The following LCN1 variants were observed in gnomAD, a reference collection of about 807,000 sequenced individuals.
LCN1 encodes lipocalin 1, also known as lipocalin-1.
LCN1 carries 25 observed loss-of-function variants against 22.3 expected under a neutral mutation model. The ratio of observed to expected loss-of-function variants is 1.12; its 90% CI spans 0.82 to 1.56. The LOEUF (loss-of-function observed/expected upper bound fraction) is 1.56. LCN1 is among the 40% of genes most tolerant of loss of function. The pLI, the probability that LCN1 is intolerant of heterozygous loss-of-function variation, is 0.00. For synonymous variants in LCN1, 85 were observed against 97.6 expected (o/e 0.87, Z 0.76); for missense variants, 219 against 235.6 (o/e 0.93, Z 0.46).
rs1262025749 is a variant in LCN1 at position 135,523,993 on chromosome 9, G to A, written c.403+3G>A. On this transcript the variant is annotated splice_donor_region_variant and intron_variant, in intron 4 of 6. Transcript: ENST00000371781. ...GGTCCGAGGGGTGAAGCTCGTGGGTGGGTCCCGCACCCTCACCCTGCAACC... is the reference window on the plus strand; with the variant it reads ...GGTCCGAGGGGTGAAGCTCGTGGGTAGGTCCCGCACCCTCACCCTGCAACC... The A allele has an allele frequency of 3.7e-6, 6 of 1,611,572 alleles. No homozygotes were observed. The Admixed American group carries it at 8.3e-5, about 22-fold the overall frequency.
At position 135,523,732 on chromosome 9, in the gene LCN1, T is replaced by C. The variant is rs79295329; in HGVS notation, c.293-148T>C. ...GGTCCCATGGCCTGGGGCTCAGGCC[T>C]GGTGGGGAACCTGGGTCAGGGAGCT... is the stretch of plus-strand genomic sequence containing the variant. On this transcript the variant is annotated intron_variant, in intron 3 of 6. Transcript: ENST00000371781. The C allele has an allele frequency of 5.1e-5, 35 of 681,364 alleles. 1 individual carries two copies. The highest frequency in any genetic ancestry group is 3.8e-4 in the Middle Eastern group (1 of 2,618). 42.2% of individuals were successfully genotyped at this position (681,364 alleles called of 1,614,324 possible).
At position 135,526,540 on chromosome 9, in the gene LCN1, A is replaced by G. The variant is rs1296401399; in HGVS notation, c.*198A>G. On this transcript the variant is annotated 3_prime_UTR_variant, in exon 7 of 7. Coordinates refer to ENST00000371781, the MANE Select transcript of LCN1 (RefSeq NM_002297.4). ...TAAAGAGCTTCAGCAGTTCCCAGTG[A>G]CTCCGCCTGTCTGTGGGGTCCCTCG... 8.4e-6 allele frequency: 10 copies of G among 1,186,936 alleles called. No individual in the cohort carries two copies. In the South Asian group the frequency reaches 1.5e-4, roughly 18 times the overall value. 73.5% of individuals were successfully genotyped at this position (1,186,936 alleles called of 1,614,324 possible).
In LCN1 at chr9:135,522,100, G is replaced by A. The variant is rs1387105669; in HGVS notation, c.144G>A (p.Glu48=). 3 of 1,595,968 alleles carry A rather than the reference G, an allele frequency of 1.9e-6. No homozygotes were observed. The highest frequency in any genetic ancestry group is 2.3e-5 in the East Asian group (1 of 43,874). The change falls in exon 2 of 7, where the codon GAG becomes GAA. Residue 48 remains glutamate (E), a synonymous_variant. Transcript: ENST00000371781. ...TGACGGTGGACAGGGAGTTCCCTGA[G>A]ATGAATCTGGAATCGGTGACACCCA... ...KAMTVDREFP[E]MNLESVTPMT... is the part of the protein sequence containing the mutation.
At position 135,523,223 on chromosome 9, in the gene LCN1, G is replaced by A. The variant is rs952596539; in HGVS notation, c.222-9G>A. On this transcript the variant is annotated splice_polypyrimidine_tract_variant and intron_variant, in intron 2 of 6. Transcript: ENST00000371781. ...AGGGCCGCTTTGCCAGGGGGCTTCT[G>A]TTTTCCAGGATAAGTGGCCGGTGCC... 2 of 1,611,168 alleles carry A rather than the reference G, an allele frequency of 1.2e-6. No homozygotes were observed. The highest frequency in any genetic ancestry group is 2.7e-5 in the African/African-American group (2 of 74,978).
rs779071186 is a variant in LCN1, at chr9:135,521,602, G to T, written c.90+15G>T. The T allele has an allele frequency of 8.1e-6, 13 of 1,598,556 alleles. No individual in the cohort carries two copies. Among genetic ancestry groups the T allele is most frequent in the African/African-American group, 1.3e-5 (1 of 74,592 alleles). On this transcript the variant is annotated intron_variant, in intron 1 of 6. Coordinates refer to ENST00000371781, the MANE Select transcript of LCN1 (RefSeq NM_002297.4). Reference sequence around the variant, plus strand: ...AGATTCAGGATGTGAGGCCCGGATGGGAAGGCTGGGCTGGAGGGGGCAAGG... The same window carrying T: ...AGATTCAGGATGTGAGGCCCGGATGTGAAGGCTGGGCTGGAGGGGGCAAGG...
In LCN1 at chr9:135,522,031, G is replaced by C. The variant is rs754261007; in HGVS notation, c.91-16G>C. 1 of 1,590,480 alleles carries C rather than the reference G, an allele frequency of 6.3e-7. No homozygotes were observed. Among genetic ancestry groups the C allele is most frequent in the Non-Finnish European group, 8.6e-7 (1 of 1,168,914 alleles). The stretch of plus-strand genomic sequence containing the variant: ...GAGCAGTCGGCCTGAGCCTGATAGA[G>C]AGGGGCCTTCTCCAGGTGTCAGGGA... On this transcript the variant is annotated splice_polypyrimidine_tract_variant and intron_variant, in intron 1 of 6. Coordinates refer to ENST00000371781, the MANE Select transcript of LCN1 (RefSeq NM_002297.4).
In LCN1 at chr9:135,521,445, C is replaced by T; in HGVS notation, c.-53C>T. On this transcript the variant is annotated 5_prime_UTR_variant, in exon 1 of 7. Coordinates refer to ENST00000371781, the MANE Select transcript of LCN1 (RefSeq NM_002297.4). The stretch of plus-strand genomic sequence containing the variant: ...GGCTGTGGGAGGACTGGTACAGCCT[C>T]TCCCAGCCCCAGCAAGCGACCTGTC... 5 of 1,514,216 alleles carry T rather than the reference C, an allele frequency of 3.3e-6. No individual in the cohort carries two copies. Among genetic ancestry groups the T allele is most frequent in the Non-Finnish European group, 4.6e-6 (5 of 1,095,288 alleles). The allele number at this position is 1,514,216 out of a possible 1,614,324, so 93.8% of individuals were successfully genotyped here.
rs766310107 is a variant in LCN1 at position 135,526,506 on chromosome 9, G to C, written c.*164G>C. The C allele has an allele frequency of 5.5e-6, 7 of 1,263,820 alleles. No individual in the cohort carries two copies. The South Asian group carries it at 6.5e-5, about 12-fold the overall frequency. 78.3% of individuals were successfully genotyped at this position (1,263,820 alleles called of 1,614,324 possible). A position where few individuals can be genotyped will look rare whatever the true frequency, so the allele number is the denominator to read the frequency against. On this transcript the variant is annotated 3_prime_UTR_variant, in exon 7 of 7. Transcript: ENST00000371781. Reference sequence around the variant, plus strand: ...CCCCCTGCCCTGCGCCCCCTCTCCTGGTTCTCCATAAAGAGCTTCAGCAGT... The same window carrying C: ...CCCCCTGCCCTGCGCCCCCTCTCCTCGTTCTCCATAAAGAGCTTCAGCAGT...
intron 3 of LCN1, 87 bp downstream of exon 3, chr9:135,523,389 T>A (rs1034678528): frequency 7.7e-7 from 1 of 1,300,628 alleles, no homozygotes; most frequent in African/African-American, 1.5e-5. Flanking sequence ...GGTGGCCTTT[T>A]GGCCTGGGAA....
intron 2 of LCN1, 87 bp from the exon 3 acceptor site, chr9:135,523,145 C>A: frequency 2.4e-6 from 3 of 1,261,952 alleles, no homozygotes; most frequent in Non-Finnish European, 3.3e-6. Context: ...CTCGGGGCCA[C>A]ATTTGCAGGG....
rs762798075 is a variant in LCN1, at chr9:135,523,311, C to G, written c.292+9C>G. 19 of 1,610,844 alleles carry G rather than the reference C, an allele frequency of 1.2e-5. No individual in the cohort carries two copies. Among genetic ancestry groups the G allele is most frequent in the Admixed American group, 3.4e-5 (2 of 59,678 alleles). On this transcript the variant is annotated intron_variant, in intron 3 of 6. Coordinates refer to ENST00000371781, the MANE Select transcript of LCN1 (RefSeq NM_002297.4). Reference sequence around the variant, plus strand: ...GGGAAAATACACGGCCGGTGAGTCCCGGGGCCTGAGCCAGAGCCTGAGCTT... The same window carrying G: ...GGGAAAATACACGGCCGGTGAGTCCGGGGGCCTGAGCCAGAGCCTGAGCTT...
At chr9:135,526,008 C>T (rs1223598255) in intron 6 of LCN1, among the ~76,000 whole-genome samples, 2 of 135,476 alleles carry the variant, frequency 1.5e-5, no homozygotes, top group Non-Finnish European at 3.2e-5. Context: ...GTGTGTACCC[C>T]CACCATAGCC....
intron 4 of LCN1, among the ~76,000 whole-genome samples, 198 bp from the exon 5 acceptor site, chr9:135,524,632 G>A (rs112672543): frequency 2.6e-5 from 4 of 152,288 alleles, no homozygotes; most frequent in African/African-American, 9.6e-5. Context: ...CGTTCTCCCG[G>A]TTCTGCTGCC....
chr9:135,524,400 G>A (rs1438187141), intron 4 of LCN1, among the ~76,000 whole-genome samples: 5 of 152,290 alleles, frequency 3.3e-5, no homozygotes, highest in Non-Finnish European at 7.4e-5. Context: ...GTTGAATTCC[G>A]GACGCGGTGC....
chr9:135,521,930 G>A (rs1831505562), intron 1 of LCN1, 117 bp from the exon 2 acceptor site: 8 of 1,473,228 alleles, frequency 5.4e-6, no homozygotes, highest in Non-Finnish European at 7.3e-6. Flanking sequence ...GGTTAGATTG[G>A]GGAACGTTCC....
chr9:135,523,735 TG>T, intron 3 of LCN1, 144 bp from the exon 4 acceptor site: 1 of 686,650 alleles, frequency 1.5e-6, no homozygotes, highest in Non-Finnish European at 2.6e-6. Context: ...TCAGGCCTGG[TG>T]GGGAACCTGG....
Position 135,523,974 on chromosome 9 carries a change from A to T in LCN1, c.387A>T (p.Arg129=), listed in dbSNP as rs563809550. 2 of 1,613,916 alleles carry T rather than the reference A, an allele frequency of 1.2e-6. No homozygotes were observed. Among genetic ancestry groups the T allele is most frequent in the East Asian group, 4.5e-5 (2 of 44,872 alleles). The change falls in exon 4 of 7, where the codon CGA becomes CGT. Residue 129 remains arginine (R), a synonymous_variant. Coordinates refer to ENST00000371781, the MANE Select transcript of LCN1 (RefSeq NM_002297.4). ...GCGAGCTGCACGGGAAGCCGGTCCG[A>T]GGGGTGAAGCTCGTGGGTGGGTCCC... ...CEGELHGKPV[R]GVKLVGRDPK...
At position 135,526,328 on chromosome 9, in the gene LCN1, CT is replaced by C; in HGVS notation, c.*2-15del. 4 of 1,238,344 alleles carry C rather than the reference CT, an allele frequency of 3.2e-6. No homozygotes were observed. Among genetic ancestry groups the C allele is most frequent in the Non-Finnish European group, 3.1e-6 (3 of 959,650 alleles). The allele number at this position is 1,238,344 out of a possible 1,614,324, so 76.7% of individuals were successfully genotyped here. On this transcript the variant is annotated splice_polypyrimidine_tract_variant and intron_variant, in intron 6 of 6. Transcript: ENST00000371781. The stretch of plus-strand genomic sequence containing the variant: ...CCTTGCTGTCCTGGCCTCACTCACC[CT>C]CCCCCCCTTTCCAGGGCAGGGGACA...
rs201982610 is a variant in LCN1 at position 135,524,969 on chromosome 9, G to A, written c.505+38G>A. On this transcript the variant is annotated intron_variant, in intron 5 of 6. Coordinates refer to ENST00000371781, the MANE Select transcript of LCN1 (RefSeq NM_002297.4). ...GCCCTGCAGAGCCCCCCATGTCCCC[G>A]CGTGGGGACATCAGCAGAGCTGCAT... is the stretch of plus-strand genomic sequence containing the variant. 2,367 of 1,557,314 alleles carry A rather than the reference G, an allele frequency of 1.5e-3. 2 individuals are homozygous for A. Among genetic ancestry groups the A allele is most frequent in the Non-Finnish European group, 1.9e-3 (2,173 of 1,134,406 alleles).
Sources: allele counts gnomAD v4.1 joint callset (sites outside exome capture counted in the v4.1 genomes callset), GRCh38; gene constraint gnomAD v4.1.1; transcripts MANE v1.5; gene names NCBI Gene and HGNC (gene_info 2026-07-23, HGNC 2026-07-21).